ATF7: variants seen among roughly 807,000 people sequenced by gnomAD.
ATF7 encodes the protein activating transcription factor 7.
In ATF7, 10 loss-of-function variants were observed where a neutral mutation model predicts 50.4. The observed-to-expected ratio is 0.20, with a 90% CI of 0.12 to 0.34. The LOEUF (loss-of-function observed/expected upper bound fraction) is 0.34, where lower values mean the gene tolerates loss of function less well. ATF7 is among the 10% of genes least tolerant of loss of function. ATF7 has a pLI of 1.00. For synonymous variants in ATF7, 201 were observed against 226.4 expected (o/e 0.89, Z 1.01); for missense variants, 465 against 613.9 (o/e 0.76, Z 2.56).
chr12:53,540,372 A>G (rs184648934), intron 4 of ATF7, among the ~76,000 whole-genome samples: 11 of 151,910 alleles, frequency 7.2e-5, no homozygotes, highest in African/African-American at 2.4e-4. Context: ...AAAAAAGAAA[A>G]AAAAGTAGAA....
chr12:53,519,583 T>A (rs1937972098), intron 11 of ATF7, among the ~76,000 whole-genome samples: 1 of 151,878 alleles, frequency 6.6e-6, no homozygotes, highest in African/African-American at 2.4e-5. Context: ...CCGCCTGTAG[T>A]CCCAGCTACT....
chr12:53,557,429 T>C (rs1940822018), intron 2 of ATF7, among the ~76,000 whole-genome samples: 1 of 152,244 alleles, frequency 6.6e-6, no homozygotes, highest in Non-Finnish European at 1.5e-5. Context: ...CTTGAACTCC[T>C]GAGCCCAAGT....
intron 1 of ATF7, among the ~76,000 whole-genome samples, chr12:53,620,886 C>T (rs1249627149): frequency 6.6e-6 from 1 of 151,670 alleles, no homozygotes; most frequent in East Asian, 1.9e-4. Context: ...GACTAGAAGT[C>T]TTGGAAATGG....
intron 11 of ATF7, among the ~76,000 whole-genome samples, chr12:53,521,471 C>T (rs1359013439): frequency 6.6e-6 from 1 of 152,148 alleles, no homozygotes; most frequent in Non-Finnish European, 1.5e-5. Context: ...CCTAGATGTA[C>T]CAGGTACCTT....
intron 3 of ATF7, among the ~76,000 whole-genome samples, chr12:53,546,908 C>T (rs1334421460): frequency 6.6e-6 from 1 of 151,946 alleles, no homozygotes; most frequent in East Asian, 1.9e-4. Context: ...CAGGTGTGCG[C>T]CATCATGCCT....
intron 2 of ATF7, among the ~76,000 whole-genome samples, chr12:53,556,411 A>G (rs1940756402): frequency 6.6e-6 from 1 of 152,188 alleles, no homozygotes; most frequent in Non-Finnish European, 1.5e-5. Flanking sequence ...CAACATGGCA[A>G]AACCTATTTT....
chr12:53,605,176 G>A (rs1464036105), intron 1 of ATF7, among the ~76,000 whole-genome samples: 1 of 152,046 alleles, frequency 6.6e-6, no homozygotes, highest in Non-Finnish European at 1.5e-5. Flanking sequence ...ATCACCCGAG[G>A]TCAGGAGTTT....
intron 2 of ATF7, among the ~76,000 whole-genome samples, chr12:53,586,874 A>G (rs573123089): frequency 6.6e-6 from 1 of 152,288 alleles, no homozygotes; most frequent in African/African-American, 2.4e-5. Flanking sequence ...AAAATAAACA[A>G]ATGAGATCTT....
rs562255137 is a variant in ATF7, at chr12:53,545,780, G to A, written c.146-2332C>T. 6.0e-4 allele frequency among the ~76,000 whole-genome samples: 91 copies of A among 152,248 alleles called. 2 individuals carry two copies. Among genetic ancestry groups the A allele is most frequent in the African/African-American group, 2.1e-3 (88 of 41,548 alleles). ...ATTTAAGACATGGCTCTTAGGCTGG[G>A]GCAGTGGCTAAGGCCTGTAATCCTG... On this transcript the variant is annotated intron_variant, in intron 3 of 11. Transcript: ENST00000420353.
At chr12:53,621,377 A>C (rs1026938778) in intron 1 of ATF7, among the ~76,000 whole-genome samples, 1 of 152,226 alleles carries the variant, frequency 6.6e-6, no homozygotes, top group African/African-American at 2.4e-5. Flanking sequence ...AAATTTATCA[A>C]TAATACAAAC....
In ATF7 at chr12:53,537,485, G is replaced by A; in HGVS notation, c.332C>T (p.Pro111Leu). The change falls in exon 5 of 12, where the codon CCA becomes CTA. Residue 111 changes from proline to leucine, a missense_variant. By Grantham distance (98) the Pro-to-Leu change is moderately conservative. Coordinates refer to ENST00000420353, the MANE Select transcript of ATF7 (RefSeq NM_006856.3). ...TPDIKIKEEE[P>L]VEVDSSPPDS... ...AGGTGGGGATGAGTCTACCTCCACT[G>A]GCTCTTCTTCTTTGATTTTGATGTC... 2.5e-6 allele frequency: 4 copies of A among 1,613,694 alleles called. No individual in the cohort carries two copies. The highest frequency in any genetic ancestry group is 3.4e-6 in the Non-Finnish European group (4 of 1,179,848).
intron 3 of ATF7, among the ~76,000 whole-genome samples, chr12:53,547,364 C>A (rs1224035907): frequency 6.9e-6 from 1 of 144,968 alleles, no homozygotes; most frequent in Non-Finnish European, 1.5e-5. Context: ...TGGCTCACTG[C>A]AACCTCCGCC....
chr12:53,532,392 G>T (rs1938955090), intron 8 of ATF7, 118 bp downstream of exon 8: 1 of 758,370 alleles, frequency 1.3e-6, no homozygotes. Flanking sequence ...ACAGCAGGGA[G>T]TCCTTAGCTT....
intron 2 of ATF7, among the ~76,000 whole-genome samples, chr12:53,554,457 G>A (rs192217803): frequency 6.6e-6 from 1 of 152,174 alleles, no homozygotes; most frequent in African/African-American, 2.4e-5. Context: ...TTAGCTGGGT[G>A]TGGTGATGCT....
In ATF7 at chr12:53,533,259, C is replaced by T; in HGVS notation, c.561G>A (p.Gly187=). ...CAAGAGGGAGGGAGCCAGTGGGAGA[C>T]CTAGAGGAGACATGAAGTGAAATGC... ...TQAPPSNRQM[G]SPTGSLPLVM... Residue 187 remains glycine, a splice_region_variant and synonymous_variant, in exon 7 of 12, where the codon GGG becomes GGA. Coordinates refer to ENST00000420353, the MANE Select transcript of ATF7 (RefSeq NM_006856.3). 6.2e-7 allele frequency: 1 copy of T among 1,607,656 alleles called. No homozygotes were observed. The highest frequency in any genetic ancestry group is 8.5e-7 in the Non-Finnish European group (1 of 1,174,278).
At chr12:53,539,506 C>A (rs1939411702) in intron 4 of ATF7, among the ~76,000 whole-genome samples, 1 of 151,996 alleles carries the variant, frequency 6.6e-6, no homozygotes, top group Non-Finnish European at 1.5e-5. Flanking sequence ...CCAGCCTGTG[C>A]AACATAGTGA....
intron 9 of ATF7, among the ~76,000 whole-genome samples, chr12:53,529,344 C>T (rs961121120): frequency 6.6e-6 from 1 of 152,046 alleles, no homozygotes; most frequent in Non-Finnish European, 1.5e-5. Context: ...GGATTACAGG[C>T]GTGCGCCACC....
intron 9 of ATF7, among the ~76,000 whole-genome samples, chr12:53,529,795 C>T (rs1249878522): frequency 8.7e-5 from 13 of 148,640 alleles, no homozygotes; most frequent in Non-Finnish European, 1.8e-4. Flanking sequence ...GGCTGGAGTG[C>T]AGTGGCACGA....
intron 1 of ATF7, among the ~76,000 whole-genome samples, chr12:53,603,863 G>A (rs577345205): frequency 3.9e-5 from 6 of 151,962 alleles, no homozygotes; most frequent in Non-Finnish European, 8.8e-5. Flanking sequence ...AATTATCAGT[G>A]AGGTCTCACT....
Sources: allele counts gnomAD v4.1 joint callset (sites outside exome capture counted in the v4.1 genomes callset), GRCh38; gene constraint gnomAD v4.1.1; transcripts MANE v1.5; gene names NCBI Gene and HGNC (gene_info 2026-07-23, HGNC 2026-07-21).